ADARB2: variants seen among roughly 807,000 people sequenced by gnomAD.
ADARB2 encodes the protein inactive double-stranded RNA-specific editase B2.
Under a neutral mutation model 62.2 loss-of-function variants are expected in ADARB2, and 25 were observed. The observed-to-expected ratio is 0.40, with a 90% CI of 0.29 to 0.56. The LOEUF (loss-of-function observed/expected upper bound fraction) is 0.56. ADARB2 is among the 20% of genes least tolerant of loss of function. The pLI is 0.43. For missense variants in ADARB2, 1,071 were observed against 1,077.4 expected, an observed-to-expected ratio of 0.99 and a Z score of 0.08; for synonymous variants, 572 against 500.8, an observed-to-expected ratio of 1.14 and a Z score of -1.90.
At chr10:1,299,917 C>T (rs925229017) in intron 3 of ADARB2, among the ~76,000 whole-genome samples, 1 of 152,196 alleles carries the variant, frequency 6.6e-6, no homozygotes, top group African/African-American at 2.4e-5. Flanking sequence ...GAATGTGGCT[C>T]ATTGTCCTAA....
chr10:1,367,598 A>G (rs1349741983), intron 2 of ADARB2, among the ~76,000 whole-genome samples: 1 of 152,198 alleles, frequency 6.6e-6, no homozygotes, highest in East Asian at 1.9e-4. Flanking sequence ...GGGTAAGCAG[A>G]TGAGATTAAC....
At position 1,666,721 on chromosome 10, in the gene ADARB2, G is replaced by A. The variant is rs529209208; in HGVS notation, c.100+70330C>T. On this transcript the variant is annotated intron_variant, in intron 1 of 9. Transcript: ENST00000381312. ...GAGGGCATCTGGGCACTGGAAATGC[G>A]GGAACCCACACGCAGCTCATCCACC... is the stretch of plus-strand genomic sequence containing the variant. Among the ~76,000 whole-genome samples, 19 of 152,234 alleles carry A rather than the reference G, an allele frequency of 1.2e-4. No homozygotes were observed. In the South Asian group the frequency reaches 3.7e-3, roughly 30 times the overall value.
intron 1 of ADARB2, among the ~76,000 whole-genome samples, chr10:1,653,500 C>T (rs986909478): frequency 6.6e-6 from 1 of 152,148 alleles, no homozygotes; most frequent in Non-Finnish European, 1.5e-5. Flanking sequence ...CACCCGACGC[C>T]TTGTGTGCCT....
At chr10:1,401,661 C>T (rs2805519) in intron 1 of ADARB2, among the ~76,000 whole-genome samples, 9,745 of 152,238 alleles carry the variant, frequency 0.064, 1,080 homozygotes, top group African/African-American at 0.22. Context: ...CCATTTCTAC[C>T]GAAGAGCGGC....
At chr10:1,530,959 C>T (rs34032124) in intron 1 of ADARB2, among the ~76,000 whole-genome samples, 48,887 of 151,656 alleles carry the variant, frequency 0.32, 9,090 homozygotes, top group East Asian at 0.73. Context: ...ACTCAGCACG[C>T]AGGTCTCAGC....
chr10:1,596,509 C>A (rs1833337504), intron 1 of ADARB2, among the ~76,000 whole-genome samples: 2 of 152,226 alleles, frequency 1.3e-5, no homozygotes, highest in African/African-American at 4.8e-5. Context: ...CGTGCAACCC[C>A]CTGCACTAAG....
At chr10:1,530,325 T>C (rs1832214763) in intron 1 of ADARB2, among the ~76,000 whole-genome samples, 1 of 152,316 alleles carries the variant, frequency 6.6e-6, no homozygotes, top group Admixed American at 6.5e-5. Flanking sequence ...CCCCAAGGCC[T>C]CCCACACCCA....
chr10:1,209,842 G>A (rs1382452649), intron 7 of ADARB2, among the ~76,000 whole-genome samples: 2 of 152,238 alleles, frequency 1.3e-5, no homozygotes, highest in East Asian at 3.8e-4. Flanking sequence ...AGAGGACGGA[G>A]GGGACATCAG....
chr10:1,341,659 T>G (rs1263293730), intron 3 of ADARB2, among the ~76,000 whole-genome samples: 7 of 102,360 alleles, frequency 6.8e-5, no homozygotes, highest in Non-Finnish European at 1.4e-4. Context: ...ACGGCGATAA[T>G]CAGCATCAGC....
At chr10:1,207,003 T>G (rs561985401) in intron 7 of ADARB2, among the ~76,000 whole-genome samples, 27 of 152,328 alleles carry the variant, frequency 1.8e-4, no homozygotes, top group Non-Finnish European at 2.9e-4. Context: ...CTTTTTATAT[T>G]TGATAAGTGT....
chr10:1,611,551 C>A (rs1196278509), intron 1 of ADARB2, among the ~76,000 whole-genome samples: 1 of 152,202 alleles, frequency 6.6e-6, no homozygotes, highest in Non-Finnish European at 1.5e-5. Context: ...GAACTCGGCT[C>A]TCCCCCTCCA....
Position 1,179,364 on chromosome 10 carries a change from T to C in ADARB2, c.*3829A>G, listed in dbSNP as rs967824510. On this transcript the variant is annotated 3_prime_UTR_variant, in exon 10 of 10. Coordinates refer to ENST00000381312, the MANE Select transcript of ADARB2 (RefSeq NM_018702.4). ...CACAAAGTCAGCATGGTGTGATAGA[T>C]ATATACAGATGTAAAGAGAATCACA... 26 of 152,340 alleles carry C rather than the reference T, an allele frequency of 1.7e-4. No homozygotes were observed. Among genetic ancestry groups the C allele is most frequent in the African/African-American group, 6.3e-4 (26 of 41,576 alleles). 9.4% of individuals were successfully genotyped at this position (152,340 alleles called of 1,614,324 possible).
intron 1 of ADARB2, among the ~76,000 whole-genome samples, chr10:1,712,846 T>G (rs1834967747): frequency 1.3e-5 from 2 of 152,042 alleles, no homozygotes; most frequent in African/African-American, 4.8e-5. Flanking sequence ...CCTGACCTCA[T>G]GATCTGCCTG....
At chr10:1,319,068 T>G (rs1217582952) in intron 3 of ADARB2, among the ~76,000 whole-genome samples, 1 of 152,246 alleles carries the variant, frequency 6.6e-6, no homozygotes, top group East Asian at 1.9e-4. Context: ...GCTCAGATGC[T>G]GACCCATGCC....
chr10:1,354,285 T>G (rs1205164444), intron 3 of ADARB2, among the ~76,000 whole-genome samples: 4 of 152,218 alleles, frequency 2.6e-5, no homozygotes, highest in Admixed American at 2.6e-4. Flanking sequence ...CACATCCATC[T>G]GGCCGGTTTC....
chr10:1,357,721 T>C (rs1240716293), intron 3 of ADARB2, among the ~76,000 whole-genome samples: 2 of 152,126 alleles, frequency 1.3e-5, no homozygotes, highest in Non-Finnish European at 2.9e-5. Context: ...CATAAGTATC[T>C]TAAATAATTG....
intron 1 of ADARB2, among the ~76,000 whole-genome samples, chr10:1,563,357 C>T (rs114908311): frequency 1.2e-3 from 190 of 152,280 alleles, no homozygotes; most frequent in East Asian, 9.3e-3. Context: ...ATGGTGAGAA[C>T]GTGGTTGCTC....
rs75212241 is a variant in ADARB2 at position 1,663,208 on chromosome 10, C to T, written c.100+73843G>A. Reference sequence around the variant, plus strand: ...AAGTACAGAGACTTCCCATACATGCCGCCTCCTTGTACACAGTTTGTCCTA... The same window carrying T: ...AAGTACAGAGACTTCCCATACATGCTGCCTCCTTGTACACAGTTTGTCCTA... On this transcript the variant is annotated intron_variant, in intron 1 of 9. Coordinates refer to ENST00000381312, the MANE Select transcript of ADARB2 (RefSeq NM_018702.4). Among the ~76,000 whole-genome samples, 1,363 of 152,308 alleles carry T rather than the reference C, an allele frequency of 8.9e-3. 17 individuals are homozygous for T. Among genetic ancestry groups the T allele is most frequent in the East Asian group, 0.046 (241 of 5,188 alleles).
chr10:1,617,517 G>T (rs1475515832), intron 1 of ADARB2, among the ~76,000 whole-genome samples: 1 of 147,174 alleles, frequency 6.8e-6, no homozygotes, highest in African/African-American at 2.5e-5. Context: ...GCTGTGCTCT[G>T]CCTCCTGGGA....
Sources: allele counts gnomAD v4.1 joint callset (sites outside exome capture counted in the v4.1 genomes callset), GRCh38; gene constraint gnomAD v4.1.1; transcripts MANE v1.5; gene names NCBI Gene and HGNC (gene_info 2026-07-23, HGNC 2026-07-21).